The following VPS54 variants were observed in gnomAD, a reference collection of about 807,000 sequenced individuals.
The protein encoded by VPS54 is vacuolar protein sorting-associated protein 54.
A neutral mutation model predicts 121.5 loss-of-function variants in VPS54; 45 were observed. The observed-to-expected ratio is 0.37, with a 90% confidence interval of 0.29 to 0.47. VPS54 has a LOEUF of 0.47. Among genes scored for constraint, VPS54 ranks in the 20% least tolerant of loss-of-function variants. VPS54 has a pLI of 0.99. For missense variants in VPS54, 1,090 were observed against 1,131.4 expected, an observed-to-expected ratio of 0.96 and a Z score of 0.52; for synonymous variants, 371 against 385.8, an observed-to-expected ratio of 0.96 and a Z score of 0.45.
intron 12 of VPS54, among the ~76,000 whole-genome samples, chr2:63,923,253 T>C (rs1575912114): frequency 6.6e-6 from 1 of 151,690 alleles, no homozygotes; most frequent in East Asian, 1.9e-4. Flanking sequence ...TAGGCAGAGC[T>C]TGCAGTGAGC....
intron 1 of VPS54, among the ~76,000 whole-genome samples, chr2:64,017,590 T>C (rs1285398458): frequency 2.6e-5 from 4 of 152,224 alleles, no homozygotes; most frequent in Non-Finnish European, 4.4e-5. Context: ...ACAATACTTC[T>C]ACAAGAACAA....
intron 21 of VPS54, 40 bp from the exon 22 acceptor site, chr2:63,897,630 G>A (rs1244246148): frequency 6.7e-6 from 8 of 1,186,282 alleles, no homozygotes; most frequent in African/African-American, 3.1e-5. Context: ...AAGTTCTACT[G>A]AAATAGAAGA....
At chr2:64,005,495 GAT>G (rs1194132310) in intron 1 of VPS54, among the ~76,000 whole-genome samples, 3 of 152,178 alleles carry the variant, frequency 2.0e-5, no homozygotes, top group African/African-American at 7.2e-5. Flanking sequence ...AATTGAATGT[GAT>G]ATGAGAATAC....
At chr2:63,914,869 C>A (rs920652111) in intron 16 of VPS54, among the ~76,000 whole-genome samples, 1 of 151,890 alleles carries the variant, frequency 6.6e-6, no homozygotes, top group African/African-American at 2.4e-5. Flanking sequence ...CGCGGTGGCT[C>A]ACACCTGTAA....
intron 7 of VPS54, among the ~76,000 whole-genome samples, chr2:63,957,991 T>C (rs903282856): frequency 1.3e-5 from 2 of 152,046 alleles, no homozygotes; most frequent in Non-Finnish European, 2.9e-5. Context: ...TATAGTCATA[T>C]AGATTATAAA....
At chr2:63,924,935 G>T (rs976381128) in intron 12 of VPS54, among the ~76,000 whole-genome samples, 6 of 152,174 alleles carry the variant, frequency 3.9e-5, no homozygotes, top group African/African-American at 1.4e-4. Flanking sequence ...AGGTCTTAAT[G>T]TGAAAAAGAC....
rs544173458 is a variant in VPS54 at position 63,996,214 on chromosome 2, C to G, written c.-20-12195G>C. On this transcript the variant is annotated intron_variant, in intron 1 of 22. Coordinates refer to ENST00000272322, the MANE Select transcript of VPS54 (RefSeq NM_016516.3). ...ACATAAATTGTGAAGATTTCATGGA[C>G]AATTTGTTAGTGCTCCAAATTAATA... 5.9e-5 allele frequency among the ~76,000 whole-genome samples: 9 copies of G among 152,302 alleles called. 1 individual carries two copies. The highest frequency in any genetic ancestry group is 3.3e-4 in the Admixed American group (5 of 15,298).
chr2:63,995,124 G>A (rs921860483), intron 1 of VPS54, among the ~76,000 whole-genome samples: 3 of 152,114 alleles, frequency 2.0e-5, no homozygotes, highest in Admixed American at 2.0e-4. Context: ...GTATGGGAAG[G>A]GGAAACTATT....
intron 7 of VPS54, among the ~76,000 whole-genome samples, chr2:63,956,683 T>A (rs1675509049): frequency 6.6e-6 from 1 of 152,172 alleles, no homozygotes. Flanking sequence ...CTGTAAAGTG[T>A]GGGTAACATT....
At chr2:63,990,547 C>T (rs1677269832) in intron 1 of VPS54, among the ~76,000 whole-genome samples, 1 of 152,096 alleles carries the variant, frequency 6.6e-6, no homozygotes, top group Non-Finnish European at 1.5e-5. Flanking sequence ...ACATGCACAC[C>T]AGTAATCACC....
At position 63,933,695 on chromosome 2, in the gene VPS54, T is replaced by C. The variant is rs1030164177; in HGVS notation, c.1717A>G (p.Ile573Val). The C allele has an allele frequency of 3.7e-6, 6 of 1,613,000 alleles. No homozygotes were observed. Among genetic ancestry groups the C allele is most frequent in the Non-Finnish European group, 5.1e-6 (6 of 1,179,658 alleles). Residue 573 changes from isoleucine (I) to valine (V), a missense_variant, in exon 12 of 23, where the codon ATT (isoleucine) becomes GTT (valine). Coordinates refer to ENST00000272322, the MANE Select transcript of VPS54 (RefSeq NM_016516.3). ...CACATAATATCCACACCTCCTGGAA[T>C]AGCAGATGATGATGTGTGCTCTTTG... is the stretch of plus-strand genomic sequence containing the variant. ...SSKEHTSSSAIPGGVDIMVSE... is the reference protein window; with the variant it reads ...SSKEHTSSSAVPGGVDIMVSE...
At chr2:63,959,208 A>G (rs1000322600) in intron 7 of VPS54, among the ~76,000 whole-genome samples, 1 of 152,248 alleles carries the variant, frequency 6.6e-6, no homozygotes, top group African/African-American at 2.4e-5. Context: ...AAGGAAAGAT[A>G]AAGTCAAGAA....
At chr2:64,014,606 C>T (rs531494217) in intron 1 of VPS54, among the ~76,000 whole-genome samples, 2 of 152,288 alleles carry the variant, frequency 1.3e-5, no homozygotes, top group Admixed American at 1.3e-4. Flanking sequence ...GGCTGTCAGC[C>T]ATCACTATTC....
chr2:63,947,586 C>G, intron 8 of VPS54, 96 bp from the exon 9 acceptor site: 3 of 1,047,744 alleles, frequency 2.9e-6, no homozygotes, highest in Non-Finnish European at 3.9e-6. Context: ...GTTTGATCCT[C>G]AGATCTCTAT....
chr2:64,004,136 C>T lies in VPS54; in HGVS notation c.-21+14802G>A, dbSNP rs547827521. On this transcript the variant is annotated intron_variant, in intron 1 of 22. Coordinates refer to ENST00000272322, the MANE Select transcript of VPS54 (RefSeq NM_016516.3). ...TTTTTTTAAAAGTAATAGAGTATAA[C>T]ATATGGAATAAGTAAAAATTAATGG... 2.1e-4 allele frequency among the ~76,000 whole-genome samples: 32 copies of T among 149,496 alleles called. 1 individual carries two copies. The highest frequency in any genetic ancestry group is 7.3e-4 in the Admixed American group (11 of 15,008).
At chr2:64,017,896 C>T (rs1373568069) in intron 1 of VPS54, among the ~76,000 whole-genome samples, 1 of 152,176 alleles carries the variant, frequency 6.6e-6, no homozygotes, top group African/African-American at 2.4e-5. Context: ...CTAGGAAATC[C>T]GATTCTGACT....
At chr2:63,958,689 C>T (rs563368949) in intron 7 of VPS54, among the ~76,000 whole-genome samples, 6 of 152,224 alleles carry the variant, frequency 3.9e-5, no homozygotes, top group African/African-American at 1.4e-4. Flanking sequence ...GCACTCCAGC[C>T]TGGGTGACAG....
At chr2:63,974,213 C>T (rs1675387316) in intron 3 of VPS54, among the ~76,000 whole-genome samples, 1 of 152,124 alleles carries the variant, frequency 6.6e-6, no homozygotes, top group Non-Finnish European at 1.5e-5. Context: ...AACAACTATC[C>T]TTTCTCTACT....
intron 9 of VPS54, 59 bp from the exon 10 acceptor site, chr2:63,944,714 AT>A: frequency 6.9e-7 from 1 of 1,439,232 alleles, no homozygotes; most frequent in South Asian, 1.2e-5. Flanking sequence ...AATCCTAAGT[AT>A]TCCATGTTCC....
Sources: gnomAD v4.1 joint callset for allele counts (sites outside exome capture counted in the v4.1 genomes callset) on GRCh38, gnomAD v4.1.1 for gene constraint, MANE v1.5 for transcripts, NCBI Gene and HGNC (gene_info 2026-07-23, HGNC 2026-07-21) for gene names.